The following PTPRQ variants were observed in gnomAD, a reference collection of about 807,000 sequenced individuals.
The protein encoded by PTPRQ is protein tyrosine phosphatase receptor type Q, also known as phosphatidylinositol phosphatase PTPRQ.
In PTPRQ, 199 loss-of-function variants were observed where a neutral mutation model predicts 246.0. The observed-to-expected ratio is 0.81, with a 90% CI of 0.72 to 0.91. The LOEUF is 0.91. Among genes scored for constraint, PTPRQ ranks in the 40% least tolerant of loss-of-function variants. PTPRQ has a pLI of 0.00. For synonymous variants in PTPRQ, 869 were observed against 853.2 expected (o/e 1.02, Z -0.32); for missense variants, 2,624 against 2,528.4 (o/e 1.04, Z -0.81).
chr12:80,567,454 T>A (rs7313034), intron 25 of PTPRQ, among the ~76,000 whole-genome samples: 5,491 of 152,278 alleles, frequency 0.036, 335 homozygotes, highest in African/African-American at 0.12. Flanking sequence ...CCACCATTCA[T>A]CCACCATATA....
At chr12:80,671,183 CTA>C (rs1280674620) in intron 42 of PTPRQ, among the ~76,000 whole-genome samples, 1 of 151,892 alleles carries the variant, frequency 6.6e-6, no homozygotes, top group Admixed American at 6.6e-5. Flanking sequence ...AATTATAAGA[CTA>C]ATACGTAAAT....
At chr12:80,590,666 CAAAAAA>C (rs35640802) in intron 26 of PTPRQ, among the ~76,000 whole-genome samples, 2 of 57,830 alleles carry the variant, frequency 3.5e-5, no homozygotes, top group South Asian at 6.6e-4. Context: ...GACTCCGTCT[CAAAAAA>C]AAAAAAAAAA....
intron 42 of PTPRQ, 59 bp from the exon 43 acceptor site, chr12:80,673,110 C>G: frequency 6.5e-7 from 1 of 1,537,564 alleles, no homozygotes; most frequent in Non-Finnish European, 8.8e-7. Flanking sequence ...TATCTTTATC[C>G]CCATCAAAAT....
intron 6 of PTPRQ, among the ~76,000 whole-genome samples, chr12:80,461,758 T>C (rs1592531700): frequency 6.6e-6 from 1 of 151,684 alleles, no homozygotes; most frequent in East Asian, 1.9e-4. Context: ...TGTTGGCTTC[T>C]ATTATTTTTC....
rs1897679993 is a variant in PTPRQ, at chr12:80,588,202, T to A, written c.4359T>A (p.Pro1453=). 6.4e-7 allele frequency: 1 copy of A among 1,551,592 alleles called. No homozygotes were observed. Among genetic ancestry groups the A allele is most frequent in the Admixed American group, 2.0e-5 (1 of 51,004 alleles). The change falls in exon 26 of 45, where the codon CCT becomes CCA. Residue 1453 remains proline, a synonymous_variant. Coordinates refer to ENST00000644991, the MANE Select transcript of PTPRQ (RefSeq NM_001145026.2). ...GTGCAACATTGACATGGATAAGACC[T>A]GACACTATCCTTGGCTACTTTCAAA... The part of the protein sequence containing the change: ...STSATLTWIR[P]DTILGYFQNY...
At chr12:80,447,175 A>T (rs1158740517) in intron 3 of PTPRQ, among the ~76,000 whole-genome samples, 1 of 151,846 alleles carries the variant, frequency 6.6e-6, no homozygotes, top group South Asian at 2.1e-4. Flanking sequence ...AGCATTTTTT[A>T]TATACTTACT....
At chr12:80,546,449 A>G (rs1896307713) in intron 23 of PTPRQ, 107 bp from the exon 24 acceptor site, 1 of 1,089,784 alleles carries the variant, frequency 9.2e-7, no homozygotes, top group Admixed American at 3.0e-5. Context: ...ATCCATGCTT[A>G]TTAAACTATA....
intron 6 of PTPRQ, among the ~76,000 whole-genome samples, chr12:80,463,064 A>G (rs2120496807): frequency 6.6e-6 from 1 of 152,216 alleles, no homozygotes; most frequent in East Asian, 1.9e-4. Flanking sequence ...CGATCAAACT[A>G]CTCCGAGCTA....
chr12:80,640,183 C>T (rs1592747850), intron 35 of PTPRQ, among the ~76,000 whole-genome samples: 1 of 152,170 alleles, frequency 6.6e-6, no homozygotes, highest in Non-Finnish European at 1.5e-5. Flanking sequence ...GAAAGAGGTT[C>T]CTCTTTGGAT....
At chr12:80,569,690 A>G (rs889875281) in intron 25 of PTPRQ, among the ~76,000 whole-genome samples, 1 of 151,908 alleles carries the variant, frequency 6.6e-6, no homozygotes, top group Non-Finnish European at 1.5e-5. Flanking sequence ...TGCCGCCATC[A>G]AACCGTCATC....
At position 80,530,198 on chromosome 12, in the gene PTPRQ, A is replaced by T. The variant is rs1056547072; in HGVS notation, c.2679-3817A>T. On this transcript the variant is annotated intron_variant, in intron 17 of 44. Transcript: ENST00000644991. ...GGGCCATGCCTTATTCTCTTTTTTT[A>T]TACTGTGGTCACAACTAATTTCTTT... 5.3e-5 allele frequency among the ~76,000 whole-genome samples: 8 copies of T among 152,132 alleles called. No homozygotes were observed. In the East Asian group the frequency reaches 1.5e-3, roughly 29 times the overall value.
At chr12:80,591,623 G>T (rs1897806087) in intron 26 of PTPRQ, among the ~76,000 whole-genome samples, 1 of 152,134 alleles carries the variant, frequency 6.6e-6, no homozygotes, top group South Asian at 2.1e-4. Flanking sequence ...TTACTTTGGG[G>T]TTAGTCAGTA....
chr12:80,483,700 C>T (rs1022019279), intron 8 of PTPRQ, among the ~76,000 whole-genome samples: 4 of 133,524 alleles, frequency 3.0e-5, no homozygotes, highest in Non-Finnish European at 5.9e-5. Context: ...GTGTCATCTA[C>T]ATTAGGTACT....
At chr12:80,559,106 G>A (rs1565786232) in intron 25 of PTPRQ, among the ~76,000 whole-genome samples, 1 of 152,082 alleles carries the variant, frequency 6.6e-6, no homozygotes, top group Non-Finnish European at 1.5e-5. Flanking sequence ...GTGCAGTGGC[G>A]CAATCTCAGC....
At chr12:80,577,954 G>A (rs979787116) in intron 25 of PTPRQ, among the ~76,000 whole-genome samples, 6 of 152,012 alleles carry the variant, frequency 3.9e-5, no homozygotes, top group African/African-American at 1.2e-4. Flanking sequence ...CACATGAACG[G>A]TATACTTACA....
At chr12:80,579,949 G>A (rs901391261) in intron 25 of PTPRQ, among the ~76,000 whole-genome samples, 2 of 152,164 alleles carry the variant, frequency 1.3e-5, no homozygotes, top group East Asian at 3.9e-4. Flanking sequence ...GAGTACATCT[G>A]TTCCTGAAAA....
intron 17 of PTPRQ, among the ~76,000 whole-genome samples, chr12:80,513,123 C>T (rs1171315798): frequency 1.3e-5 from 2 of 152,094 alleles, no homozygotes; most frequent in East Asian, 1.9e-4. Context: ...CTCAGTTAGA[C>T]CCCCTGCCTT....
chr12:80,536,934 T>C (rs1378240797), intron 19 of PTPRQ, among the ~76,000 whole-genome samples: 2 of 152,236 alleles, frequency 1.3e-5, no homozygotes, highest in African/African-American at 4.8e-5. Context: ...ATGTGATTTA[T>C]ATTTTGGTTC....
chr12:80,632,139 C>A, intron 33 of PTPRQ, 53 bp from the exon 34 acceptor site: 1 of 1,508,842 alleles, frequency 6.6e-7, no homozygotes, highest in South Asian at 1.3e-5. Flanking sequence ...GTTTGGGATT[C>A]AAAATAAGAT....
Sources: allele counts gnomAD v4.1 joint callset (sites outside exome capture counted in the v4.1 genomes callset), GRCh38; gene constraint gnomAD v4.1.1; transcripts MANE v1.5; gene names NCBI Gene and HGNC (gene_info 2026-07-23, HGNC 2026-07-21).